Variants in PECR observed in about 807,000 individuals in gnomAD.
PECR encodes the protein peroxisomal trans-2-enoyl-CoA reductase, also known as 2,4-dienoyl-CoA reductase-related protein.
Under a neutral mutation model 35.3 loss-of-function variants are expected in PECR, and 30 were observed. The observed-to-expected ratio is 0.85, with a 90% CI of 0.64 to 1.15. The LOEUF (loss-of-function observed/expected upper bound fraction) is 1.15. Among genes scored for constraint, PECR ranks in the 50% most tolerant of loss-of-function variants. The pLI, the probability that PECR is intolerant of heterozygous loss-of-function variation, is 0.00. For synonymous variants in PECR, 148 were observed against 138.9 expected, an observed-to-expected ratio of 1.07 and a Z score of -0.46; for missense variants, 392 against 370.8, an observed-to-expected ratio of 1.06 and a Z score of -0.47.
At chr2:216,074,324 G>A (rs1468857305) in intron 1 of PECR, among the ~76,000 whole-genome samples, 1 of 152,188 alleles carries the variant, frequency 6.6e-6, no homozygotes, top group Non-Finnish European at 1.5e-5. Context: ...GCACACGCCT[G>A]TAATCCCAGC....
At chr2:216,031,531 G>GAA (rs1559203942) in intron 7 of PECR, among the ~76,000 whole-genome samples, 1 of 140,140 alleles carries the variant, frequency 7.1e-6, no homozygotes, top group Non-Finnish European at 1.5e-5. Context: ...GAAAAGAAAA[G>GAA]AAAGAAGGAA....
intron 3 of PECR, among the ~76,000 whole-genome samples, chr2:216,060,988 G>A (rs769476613): frequency 2.6e-5 from 4 of 151,664 alleles, no homozygotes; most frequent in South Asian, 2.1e-4. Context: ...AAACTGAATC[G>A]GGCAAGAATC....
intron 7 of PECR, among the ~76,000 whole-genome samples, chr2:216,040,052 C>T (rs1380699551): frequency 6.6e-6 from 1 of 152,054 alleles, no homozygotes; most frequent in African/African-American, 2.4e-5. Flanking sequence ...AGCAGGCAGC[C>T]ATCCTGCAAT....
chr2:216,077,187 C>G lies in PECR; in HGVS notation c.124+4431G>C, dbSNP rs554630727. On this transcript the variant is annotated intron_variant, in intron 1 of 7. Coordinates refer to ENST00000265322, the MANE Select transcript of PECR (RefSeq NM_018441.6). ...TGCTGGGATTACAGGCATGAGCCAC[C>G]GCGCCTGGCCCAATTTTACTTTTAA... Among the ~76,000 whole-genome samples, 3 of 152,006 alleles carry G rather than the reference C, an allele frequency of 2.0e-5. 1 individual carries two copies. Among genetic ancestry groups the G allele is most frequent in the African/African-American group, 7.2e-5 (3 of 41,416 alleles).
chr2:216,039,228 C>T lies in PECR; in HGVS notation c.*47G>A. The T allele has an allele frequency of 1.0e-6, 1 of 972,350 alleles. No homozygotes were observed. Among genetic ancestry groups the T allele is most frequent in the Non-Finnish European group, 1.7e-6 (1 of 593,974 alleles). 60.2% of individuals were successfully genotyped at this position (972,350 alleles called of 1,614,324 possible). A position where few individuals can be genotyped will look rare whatever the true frequency, so the allele number is the denominator to read the frequency against. On this transcript the variant is annotated 3_prime_UTR_variant, in exon 8 of 8. Transcript: ENST00000265322. Reference sequence around the variant, plus strand: ...TTTAAAAAGTACAGAAGCATATCCTCAAGATGTGAAGGCACTGGGGGATGG... The same window carrying T: ...TTTAAAAAGTACAGAAGCATATCCTTAAGATGTGAAGGCACTGGGGGATGG...
At chr2:216,040,011 A>C (rs1694859559) in intron 7 of PECR, among the ~76,000 whole-genome samples, 1 of 152,220 alleles carries the variant, frequency 6.6e-6, no homozygotes, top group South Asian at 2.1e-4. Context: ...CTGGGTATGA[A>C]CACAGAAGTA....
In PECR at chr2:216,039,028, A is replaced by G. The variant is rs928136736; in HGVS notation, c.*247T>C. ...TTTTTCAAATACTTTTCTTAGAAAT[A>G]AAAAGTAAAGTCATTAAAATATGTT... On this transcript the variant is annotated 3_prime_UTR_variant, in exon 8 of 8. Coordinates refer to ENST00000265322, the MANE Select transcript of PECR (RefSeq NM_018441.6). 1 of 343,754 alleles carries G rather than the reference A, an allele frequency of 2.9e-6. No individual in the cohort carries two copies. The highest frequency in any genetic ancestry group is 3.3e-5 in the South Asian group (1 of 29,894). 21.3% of individuals were successfully genotyped at this position (343,754 alleles called of 1,614,324 possible).
At chr2:216,059,750 T>C (rs1695297437) in intron 3 of PECR, among the ~76,000 whole-genome samples, 1 of 152,238 alleles carries the variant, frequency 6.6e-6, no homozygotes, top group African/African-American at 2.4e-5. Flanking sequence ...ATTTCCCTAA[T>C]GACTATAATC....
At chr2:216,078,956 A>G (rs370283049) in intron 1 of PECR, among the ~76,000 whole-genome samples, 3 of 152,222 alleles carry the variant, frequency 2.0e-5, no homozygotes, top group South Asian at 4.1e-4. Context: ...ATAAAAATCT[A>G]TTAAAAATCC....
chr2:216,077,736 G>A (rs1227260823), intron 1 of PECR, among the ~76,000 whole-genome samples: 1 of 151,104 alleles, frequency 6.6e-6, no homozygotes, highest in African/African-American at 2.4e-5. Context: ...GAACCTGGGA[G>A]GCAGAGGTTG....
chr2:216,070,950 C>T, intron 1 of PECR, among the ~76,000 whole-genome samples: 1 of 152,358 alleles, frequency 6.6e-6, no homozygotes, highest in South Asian at 2.1e-4. Context: ...ATATACCCTC[C>T]AGCGGTATAC....
chr2:216,070,328 T>C (rs1403501384), intron 1 of PECR, among the ~76,000 whole-genome samples: 1 of 152,234 alleles, frequency 6.6e-6, no homozygotes, highest in Non-Finnish European at 1.5e-5. Context: ...AAATCCACTA[T>C]TCTCGGAATT....
intron 7 of PECR, among the ~76,000 whole-genome samples, chr2:216,042,477 A>G (rs1181964287): frequency 6.6e-6 from 1 of 152,224 alleles, no homozygotes; most frequent in African/African-American, 2.4e-5. Context: ...TCAACCATCT[A>G]TTAATTTGCT....
At chr2:216,056,946 A>G (rs1430937227) in intron 4 of PECR, among the ~76,000 whole-genome samples, 5 of 152,062 alleles carry the variant, frequency 3.3e-5, no homozygotes, top group Non-Finnish European at 7.4e-5. Flanking sequence ...TATCTGAAAC[A>G]CTTCTTTTCC....
intron 1 of PECR, among the ~76,000 whole-genome samples, chr2:216,073,490 C>T (rs889146851): frequency 2.6e-5 from 4 of 152,142 alleles, no homozygotes; most frequent in Non-Finnish European, 4.4e-5. Context: ...TTCACATTCA[C>T]TTATCACTCC....
intron 1 of PECR, among the ~76,000 whole-genome samples, chr2:216,073,929 G>A (rs1695635158): frequency 6.6e-6 from 1 of 152,198 alleles, no homozygotes; most frequent in African/African-American, 2.4e-5. Flanking sequence ...AGTGACACAT[G>A]ACTGTATATA....
rs869225237 is a variant in PECR, at chr2:216,046,310, A to ATTTTTTTT, written c.715-2303_715-2296dup. Among the ~76,000 whole-genome samples the ATTTTTTTT allele has an allele frequency of 2.1e-5, 2 of 96,974 alleles. 1 individual carries two copies. The highest frequency in any genetic ancestry group is 3.9e-5 in the Non-Finnish European group (2 of 51,820). The allele number at this position is 96,974 out of a possible 152,430, so 63.6% of individuals were successfully genotyped here. A position where few individuals can be genotyped will look rare whatever the true frequency, so the allele number is the denominator to read the frequency against. On this transcript the variant is annotated intron_variant, in intron 6 of 7. Coordinates refer to ENST00000265322, the MANE Select transcript of PECR (RefSeq NM_018441.6). ...TATACATACATATATATATATATATATTTTTTTTTTTTTTTTTTTTGAGAA... is the reference window on the plus strand; with the variant it reads ...TATACATACATATATATATATATATATTTTTTTTTTTTTTTTTTTTTTTTTTTTGAGAA...
chr2:216,049,184 C>T (rs558089594), intron 6 of PECR, 79 bp downstream of exon 6: 40 of 794,452 alleles, frequency 5.0e-5, no homozygotes, highest in Admixed American at 3.4e-5. Flanking sequence ...TCGTCCAGAC[C>T]GCATAAAAAT....
At chr2:216,071,615 T>G (rs996300032) in intron 1 of PECR, among the ~76,000 whole-genome samples, 6 of 152,156 alleles carry the variant, frequency 3.9e-5, no homozygotes, top group Non-Finnish European at 5.9e-5. Context: ...GCAATAGTTG[T>G]GCAATATATT....
Sources: gnomAD v4.1 joint callset for allele counts (sites outside exome capture counted in the v4.1 genomes callset) on GRCh38, gnomAD v4.1.1 for gene constraint, MANE v1.5 for transcripts, NCBI Gene and HGNC (gene_info 2026-07-23, HGNC 2026-07-21) for gene names.